SORCS3: variants seen among roughly 807,000 people sequenced by gnomAD.
SORCS3 encodes the protein sortilin related VPS10 domain containing receptor 3, also known as VPS10 domain-containing receptor SorCS3.
SORCS3 carries 57 observed loss-of-function variants against 146.3 expected under a neutral mutation model. The ratio of observed to expected loss-of-function variants is 0.39; its 90% CI spans 0.31 to 0.49. SORCS3 has a LOEUF of 0.49. Among genes scored for constraint, SORCS3 ranks in the 20% least tolerant of loss-of-function variants. The pLI is 0.92. For missense variants in SORCS3, 1,341 were observed against 1,575.5 expected, an observed-to-expected ratio of 0.85 and a Z score of 2.52; for synonymous variants, 653 against 618.5, an observed-to-expected ratio of 1.06 and a Z score of -0.83.
chr10:105,003,944 G>A (rs17118073), intron 4 of SORCS3, among the ~76,000 whole-genome samples: 23,750 of 150,228 alleles, frequency 0.16, 2,115 homozygotes, highest in African/African-American at 0.23. Context: ...ACACCTGGAT[G>A]CCAAACCTCC....
intron 1 of SORCS3, among the ~76,000 whole-genome samples, chr10:104,766,712 A>G (rs2017184206): frequency 6.6e-6 from 1 of 152,216 alleles, no homozygotes; most frequent in African/African-American, 2.4e-5. Flanking sequence ...GGATTTGGAA[A>G]AGTGGTAGAT....
At chr10:104,888,155 CTTACCT>C (rs746109651) in intron 2 of SORCS3, among the ~76,000 whole-genome samples, 1 of 152,166 alleles carries the variant, frequency 6.6e-6, no homozygotes, top group Non-Finnish European at 1.5e-5. Context: ...AATAATTCCC[CTTACCT>C]TTACTTTTTA....
At chr10:105,153,742 T>G (rs2056184864) in intron 9 of SORCS3, among the ~76,000 whole-genome samples, 1 of 151,824 alleles carries the variant, frequency 6.6e-6, no homozygotes, top group African/African-American at 2.4e-5. Flanking sequence ...CTTCAGTGAC[T>G]AAATAACTGG....
At chr10:104,961,233 T>G (rs368176693) in intron 3 of SORCS3, among the ~76,000 whole-genome samples, 2 of 152,182 alleles carry the variant, frequency 1.3e-5, no homozygotes, top group African/African-American at 4.8e-5. Flanking sequence ...TGATCTTGAT[T>G]TAACTCGTTA....
intron 12 of SORCS3, among the ~76,000 whole-genome samples, chr10:105,166,730 T>G (rs1757141083): frequency 6.6e-6 from 1 of 152,092 alleles, no homozygotes; most frequent in South Asian, 2.1e-4. Context: ...CCAACATGGG[T>G]CTTCATCCAA....
Position 105,214,508 on chromosome 10 carries a change from G to T in SORCS3, c.2442G>T (p.Gln814His), listed in dbSNP as rs1013148526. The change falls in exon 18 of 27, where the codon CAG becomes CAT. Residue 814 changes from glutamine (Q) to histidine (H), a missense_variant. Physicochemically the swap from Gln to His is conservative, Grantham distance 24. Transcript: ENST00000369701. ...GLREKYTAKA[Q>H]MCPGKAPRGL... ...GGGAGAAGTACACCGCCAAGGCCCA[G>T]ATGTGCCCTGGAAAAGCCCCTCGGG... 1.9e-6 allele frequency: 3 copies of T among 1,614,184 alleles called. No individual in the cohort carries two copies. Among genetic ancestry groups the T allele is most frequent in the Non-Finnish European group, 1.7e-6 (2 of 1,180,028 alleles).
chr10:104,789,827 C>T (rs1035840137), intron 1 of SORCS3, among the ~76,000 whole-genome samples: 1 of 152,182 alleles, frequency 6.6e-6, no homozygotes, highest in East Asian at 1.9e-4. Flanking sequence ...CATAAAGAAC[C>T]TCTGGCTGTG....
intron 1 of SORCS3, among the ~76,000 whole-genome samples, chr10:104,829,960 G>A (rs1027299280): frequency 6.6e-6 from 1 of 152,122 alleles, no homozygotes; most frequent in Admixed American, 6.6e-5. Flanking sequence ...AGGTATACAT[G>A]TGCCATGGTG....
intron 7 of SORCS3, among the ~76,000 whole-genome samples, chr10:105,118,690 T>C (rs2055910293): frequency 6.6e-6 from 1 of 152,222 alleles, no homozygotes; most frequent in African/African-American, 2.4e-5. Context: ...CCGATGGAGA[T>C]GAGAAGCTTC....
At chr10:104,979,852 G>A (rs921016242) in intron 4 of SORCS3, among the ~76,000 whole-genome samples, 1 of 152,104 alleles carries the variant, frequency 6.6e-6, no homozygotes, top group Admixed American at 6.5e-5. Flanking sequence ...ATTGAAAAAA[G>A]TAAATTATTC....
At chr10:105,157,434 C>T (rs1257471180) in intron 10 of SORCS3, 150 bp downstream of exon 10, 1 of 863,294 alleles carries the variant, frequency 1.2e-6, no homozygotes, top group Non-Finnish European at 1.7e-6. Flanking sequence ...GGTGTGTGGA[C>T]TCAGAGTGCA....
At position 104,661,954 on chromosome 10, in the gene SORCS3, G is replaced by T. The variant is rs1436164502; in HGVS notation, c.627+20000G>T. ...AGCACTTACTGAAGGTTTGCTGTGT[G>T]CCGGGTGCCAGTTTTGGGTGCTTTA... On this transcript the variant is annotated intron_variant, in intron 1 of 26. Coordinates refer to ENST00000369701, the MANE Select transcript of SORCS3 (RefSeq NM_014978.3). Among the ~76,000 whole-genome samples the T allele has an allele frequency of 6.6e-5, 10 of 152,188 alleles. No individual in the cohort carries two copies. In the East Asian group the frequency reaches 1.9e-3, roughly 29 times the overall value.
rs538239245 is a variant in SORCS3 at position 105,031,251 on chromosome 10, A to G, written c.955-11804A>G. Among the ~76,000 whole-genome samples, 11 of 151,938 alleles carry G rather than the reference A, an allele frequency of 7.2e-5. No homozygotes were observed. The East Asian group carries it at 1.2e-3, about 16-fold the overall frequency. On this transcript the variant is annotated intron_variant, in intron 4 of 26. Transcript: ENST00000369701. Reference sequence around the variant, plus strand: ...GAGTTGGAGGTTGCAGTGAGCCGAGATCACGCCACTGCCCTCCCGTCTGGG... The same window carrying G: ...GAGTTGGAGGTTGCAGTGAGCCGAGGTCACGCCACTGCCCTCCCGTCTGGG...
chr10:104,891,275 C>T (rs961037459), intron 2 of SORCS3, among the ~76,000 whole-genome samples: 4 of 152,126 alleles, frequency 2.6e-5, no homozygotes, highest in South Asian at 2.1e-4. Context: ...TTCTTTCAGG[C>T]GGTTCTTTTT....
intron 1 of SORCS3, among the ~76,000 whole-genome samples, chr10:104,667,886 G>A (rs1214448998): frequency 5.3e-5 from 8 of 152,198 alleles, no homozygotes; most frequent in Admixed American, 3.3e-4. Flanking sequence ...GACCTCCTCT[G>A]GGAGCTGCTG....
At chr10:104,796,072 A>G (rs1228441067) in intron 1 of SORCS3, among the ~76,000 whole-genome samples, 1 of 152,212 alleles carries the variant, frequency 6.6e-6, no homozygotes, top group Non-Finnish European at 1.5e-5. Flanking sequence ...AAGGATCATG[A>G]CTTCTAAGTA....
At chr10:104,989,494 A>G (rs577804774) in intron 4 of SORCS3, among the ~76,000 whole-genome samples, 9 of 152,306 alleles carry the variant, frequency 5.9e-5, no homozygotes, top group Admixed American at 4.6e-4. Flanking sequence ...ATATAAGGAG[A>G]AAATAACAGT....
rs756228642 is a variant in SORCS3 at position 105,262,340 on chromosome 10, T to C, written c.3453T>C (p.Pro1151=). 2 of 1,612,962 alleles carry C rather than the reference T, an allele frequency of 1.2e-6. No homozygotes were observed. The highest frequency in any genetic ancestry group is 1.1e-5 in the South Asian group (1 of 90,968). Residue 1151 remains proline (P), a synonymous_variant, in exon 26 of 27, where the codon CCT becomes CCC. Transcript: ENST00000369701. ...FLIYKFKRKI[P]WINIYAQVQH... The stretch of plus-strand genomic sequence containing the variant: ...CTCCTGTCCCATGTAGGAAAATCCC[T>C]TGGATTAACATCTATGCTCAAGTCC...
At chr10:105,193,706 C>G (rs1347658510) in intron 14 of SORCS3, among the ~76,000 whole-genome samples, 1 of 152,176 alleles carries the variant, frequency 6.6e-6, no homozygotes, top group African/African-American at 2.4e-5. Flanking sequence ...GTGATTTGCT[C>G]AAGGTCACCT....
Sources: allele counts gnomAD v4.1 joint callset (sites outside exome capture counted in the v4.1 genomes callset), GRCh38; gene constraint gnomAD v4.1.1; transcripts MANE v1.5; gene names NCBI Gene and HGNC (gene_info 2026-07-23, HGNC 2026-07-21).